The following LRRTM4 variants were observed in gnomAD, a reference collection of about 807,000 sequenced individuals.
LRRTM4 encodes leucine-rich repeat transmembrane neuronal protein 4.
Under a neutral mutation model 47.6 loss-of-function variants are expected in LRRTM4, and 25 were observed. The observed-to-expected ratio is 0.53, with a 90% CI of 0.38 to 0.73. The LOEUF is 0.73. Ranked by LOEUF, LRRTM4 falls within the 30% of genes least tolerant of loss-of-function variation. The pLI is 0.00. For missense variants in LRRTM4, 638 were observed against 713.4 expected (o/e 0.89, Z 1.20); for synonymous variants, 311 against 269.5 (o/e 1.15, Z -1.51).
intron 3 of LRRTM4, among the ~76,000 whole-genome samples, chr2:76,873,528 A>ATG (rs1672697377): frequency 6.9e-6 from 1 of 145,682 alleles, no homozygotes; most frequent in African/African-American, 2.5e-5. Context: ...ATATATATAT[A>ATG]TATATACAAC....
At chr2:77,031,217 T>C (rs1330646670) in intron 3 of LRRTM4, among the ~76,000 whole-genome samples, 1 of 152,194 alleles carries the variant, frequency 6.6e-6, no homozygotes, top group Non-Finnish European at 1.5e-5. Context: ...AATATTTGTG[T>C]TTTTAAAATA....
chr2:76,855,061 A>G (rs1017105556), intron 3 of LRRTM4, among the ~76,000 whole-genome samples: 1 of 152,192 alleles, frequency 6.6e-6, no homozygotes, highest in Non-Finnish European at 1.5e-5. Flanking sequence ...ATTTTGAAAG[A>G]GAAGAAATGT....
intron 3 of LRRTM4, among the ~76,000 whole-genome samples, chr2:76,914,375 A>C (rs1420141352): frequency 6.6e-6 from 1 of 152,100 alleles, no homozygotes; most frequent in Admixed American, 6.5e-5. Context: ...CATTGTCAAT[A>C]AATTATATAA....
At chr2:77,156,728 G>C (rs1341683876) in intron 3 of LRRTM4, among the ~76,000 whole-genome samples, 3 of 141,408 alleles carry the variant, frequency 2.1e-5, no homozygotes, top group Non-Finnish European at 4.6e-5. Flanking sequence ...TTTTTTTTGA[G>C]ACAAGGTCTT....
At chr2:77,151,548 A>G (rs1318263744) in intron 3 of LRRTM4, among the ~76,000 whole-genome samples, 1 of 152,220 alleles carries the variant, frequency 6.6e-6, no homozygotes, top group Non-Finnish European at 1.5e-5. Context: ...CAACAGTTGA[A>G]TGGATAAAGA....
intron 3 of LRRTM4, among the ~76,000 whole-genome samples, chr2:77,393,659 C>T (rs1673590914): frequency 6.6e-6 from 1 of 151,902 alleles, no homozygotes; most frequent in South Asian, 2.1e-4. Flanking sequence ...AATCACTTTA[C>T]TACAGTGTGG....
At chr2:76,828,805 A>G (rs1671256367) in intron 3 of LRRTM4, among the ~76,000 whole-genome samples, 1 of 151,908 alleles carries the variant, frequency 6.6e-6, no homozygotes, top group Non-Finnish European at 1.5e-5. Context: ...GCCTAGCACG[A>G]AACTCATTAA....
At position 76,912,518 on chromosome 2, in the gene LRRTM4, C is replaced by T. The variant is rs917605185; in HGVS notation, c.1552-163602G>A. On this transcript the variant is annotated intron_variant, in intron 3 of 3. Coordinates refer to ENST00000409884, the MANE Select transcript of LRRTM4 (RefSeq NM_001134745.3). ...CAAAATCACAAGCAATTGGTAATGT[C>T]GAATTCCAAGATTATGAGAACAATT... is the stretch of plus-strand genomic sequence containing the variant. Among the ~76,000 whole-genome samples the T allele has an allele frequency of 3.0e-4, 46 of 152,050 alleles. 1 individual carries two copies. Among genetic ancestry groups the T allele is most frequent in the Non-Finnish European group, 1.0e-4 (7 of 68,008 alleles).
At chr2:77,255,467 A>G (rs753616122) in intron 3 of LRRTM4, among the ~76,000 whole-genome samples, 1 of 152,034 alleles carries the variant, frequency 6.6e-6, no homozygotes, top group Non-Finnish European at 1.5e-5. Context: ...AGGAGATTAC[A>G]TATTATTTTC....
chr2:76,937,812 C>T (rs1292722081), intron 3 of LRRTM4, among the ~76,000 whole-genome samples: 1 of 152,050 alleles, frequency 6.6e-6, no homozygotes, highest in African/African-American at 2.4e-5. Context: ...GTGATCCGCC[C>T]ACCTCAGGCT....
intron 3 of LRRTM4, among the ~76,000 whole-genome samples, chr2:77,005,665 G>C (rs1677615832): frequency 6.6e-6 from 1 of 152,144 alleles, no homozygotes; most frequent in African/African-American, 2.4e-5. Flanking sequence ...GTTTTATAAA[G>C]GGAGTTCCCC....
rs867599774 is a variant in LRRTM4, at chr2:76,800,527, T to C, written c.1552-51611A>G. On this transcript the variant is annotated intron_variant, in intron 3 of 3. Transcript: ENST00000409884. ...AGAAGAAAACCTAGGCATTACCATT[T>C]AGGACATAGGCATGGGCAAGGACTT... is the stretch of plus-strand genomic sequence containing the variant. 2.2e-4 allele frequency among the ~76,000 whole-genome samples: 32 copies of C among 146,962 alleles called. No individual in the cohort carries two copies. In the East Asian group the frequency reaches 3.0e-3, roughly 14 times the overall value.
intron 3 of LRRTM4, among the ~76,000 whole-genome samples, chr2:76,806,576 C>A (rs551200422): frequency 6.7e-6 from 1 of 149,180 alleles, no homozygotes; most frequent in African/African-American, 2.5e-5. Context: ...AGGAAAACCC[C>A]GTCTCAAAAC....
intron 3 of LRRTM4, among the ~76,000 whole-genome samples, chr2:77,237,783 T>C (rs1207784026): frequency 6.6e-6 from 1 of 152,118 alleles, no homozygotes; most frequent in Admixed American, 6.6e-5. Flanking sequence ...GATCATTCCT[T>C]ACTATACAAA....
chr2:76,964,649 T>C (rs925052683), intron 3 of LRRTM4, among the ~76,000 whole-genome samples: 54 of 139,954 alleles, frequency 3.9e-4, no homozygotes, highest in Non-Finnish European at 1.8e-4. Context: ...GATCTAAAAT[T>C]AATAATCTAA....
intron 3 of LRRTM4, among the ~76,000 whole-genome samples, chr2:77,076,405 G>A (rs6750253): frequency 0.046 from 6,432 of 138,610 alleles, 150 homozygotes; most frequent in South Asian, 0.11. Context: ...GTTAAAAAAT[G>A]GGATAACAGT....
intron 3 of LRRTM4, among the ~76,000 whole-genome samples, chr2:77,078,820 G>C (rs895567404): frequency 1.3e-5 from 2 of 152,096 alleles, no homozygotes; most frequent in Non-Finnish European, 2.9e-5. Context: ...AAATACTATA[G>C]ACTGAGTAGC....
intron 3 of LRRTM4, among the ~76,000 whole-genome samples, chr2:76,922,080 T>C (rs939913401): frequency 6.6e-6 from 1 of 152,154 alleles, no homozygotes; most frequent in Non-Finnish European, 1.5e-5. Context: ...AAAAGAAATC[T>C]TGCTATCTGC....
chr2:76,890,567 C>A (rs577554016), intron 3 of LRRTM4, among the ~76,000 whole-genome samples: 1 of 151,860 alleles, frequency 6.6e-6, no homozygotes, highest in African/African-American at 2.4e-5. Flanking sequence ...TATACCTTAA[C>A]AAAATAAACA....
Sources: allele counts gnomAD v4.1 joint callset (sites outside exome capture counted in the v4.1 genomes callset), GRCh38; gene constraint gnomAD v4.1.1; transcripts MANE v1.5; gene names NCBI Gene and HGNC (gene_info 2026-07-23, HGNC 2026-07-21).